SLC14A2: variants seen among roughly 807,000 people sequenced by gnomAD.
The protein encoded by SLC14A2 is solute carrier family 14 member 2, also known as urea transporter 2.
In SLC14A2, 91 loss-of-function variants were observed where a neutral mutation model predicts 104.6. The observed-to-expected ratio is 0.87, with a 90% CI of 0.73 to 1.04. SLC14A2 has a LOEUF of 1.04. Among genes scored for constraint, SLC14A2 ranks in the 50% least tolerant of loss-of-function variants. The pLI, the probability that SLC14A2 is intolerant of heterozygous loss-of-function variation, is 0.00. For synonymous variants in SLC14A2, 476 were observed against 466.4 expected (o/e 1.02, Z -0.27); for missense variants, 1,189 against 1,156.0 (o/e 1.03, Z -0.41).
At chr18:45,198,119 A>C in the SLC14A2 span, among the ~76,000 whole-genome samples, 1 of 152,178 alleles carries the variant, frequency 6.6e-6, no homozygotes, top group Non-Finnish European at 1.5e-5. Context: ...GCCTATAGCT[A>C]CCTGGGTGCT....
chr18:45,473,669 G>T (rs779399684), intron 1 of SLC14A2, among the ~76,000 whole-genome samples: 1 of 152,078 alleles, frequency 6.6e-6, no homozygotes, highest in African/African-American at 2.4e-5. Context: ...TCATGATTTG[G>T]CTCTTTGTTT....
intron 1 of SLC14A2, among the ~76,000 whole-genome samples, chr18:45,266,422 C>A (rs1259212072): frequency 2.0e-5 from 3 of 152,060 alleles, no homozygotes; most frequent in Non-Finnish European, 4.4e-5. Context: ...CTCTTTCAAG[C>A]CATTGGTTTT....
chr18:45,390,632 TAA>T (rs1432009013), intron 1 of SLC14A2, among the ~76,000 whole-genome samples: 1 of 152,194 alleles, frequency 6.6e-6, no homozygotes, highest in Non-Finnish European at 1.5e-5. Flanking sequence ...AGGGTATATA[TAA>T]AGTGTTAGGA....
chr18:45,386,373 A>C (rs765643914), intron 1 of SLC14A2, among the ~76,000 whole-genome samples: 1 of 152,136 alleles, frequency 6.6e-6, no homozygotes, highest in Non-Finnish European at 1.5e-5. Context: ...TGGAACTCTG[A>C]TTTCTGCAGT....
intron 2 of SLC14A2, among the ~76,000 whole-genome samples, chr18:45,494,690 A>ACTGTGCC (rs2043061084): frequency 1.3e-5 from 2 of 152,010 alleles, no homozygotes; most frequent in Non-Finnish European, 2.9e-5. Context: ...GGTGTGAGCC[A>ACTGTGCC]CTGTGCCCGG....
At chr18:45,241,764 T>G (rs904899223) in intron 1 of SLC14A2, among the ~76,000 whole-genome samples, 6 of 151,246 alleles carry the variant, frequency 4.0e-5, no homozygotes, top group African/African-American at 9.7e-5. Flanking sequence ...CTGCCTCAGC[T>G]TCCTGAGTAG....
chr18:45,644,082 A>G lies in SLC14A2; in HGVS notation c.1273A>G (p.Ser425Gly). ...CCCAGCCATCTTCAGACTCCCACTC[A>G]GCAAAGTCACCTACCCCGAGGCCAA... ...NNPAIFRLPL[S>G]KVTYPEANRI... Residue 425 changes from serine to glycine, a missense_variant, in exon 10 of 20, where the codon AGC (serine) becomes GGC (glycine). Coordinates refer to ENST00000255226, the MANE Select transcript of SLC14A2 (RefSeq NM_007163.4). The G allele has an allele frequency of 6.2e-7, 1 of 1,614,208 alleles. No individual in the cohort carries two copies. Among genetic ancestry groups the G allele is most frequent in the Non-Finnish European group, 8.5e-7 (1 of 1,180,036 alleles).
chr18:45,235,947 GTGTGTATATATGTA>G (rs2084229205), intron 1 of SLC14A2, among the ~76,000 whole-genome samples: 1 of 94,148 alleles, frequency 1.1e-5, no homozygotes, highest in African/African-American at 4.6e-5. Flanking sequence ...ATACATATAT[GTGTGTATATATGTA>G]TATATACATA....
At chr18:45,395,742 C>T (rs2086022577) in intron 1 of SLC14A2, among the ~76,000 whole-genome samples, 2 of 152,140 alleles carry the variant, frequency 1.3e-5, no homozygotes, top group South Asian at 2.1e-4. Context: ...GACTGCCACC[C>T]CATTATGTCC....
chr18:45,370,744 C>G (rs1211929571), intron 1 of SLC14A2, among the ~76,000 whole-genome samples: 1 of 152,084 alleles, frequency 6.6e-6, no homozygotes, highest in Non-Finnish European at 1.5e-5. Flanking sequence ...CAGAAGGGAG[C>G]AAAAAGTTCA....
intron 1 of SLC14A2, among the ~76,000 whole-genome samples, chr18:45,323,971 A>G (rs1444646467): frequency 1.3e-5 from 2 of 152,194 alleles, no homozygotes; most frequent in African/African-American, 4.8e-5. Context: ...TGGAGGGTTC[A>G]AGTTTAATGG....
chr18:45,296,832 A>C (rs895205990), intron 1 of SLC14A2, among the ~76,000 whole-genome samples: 3 of 125,176 alleles, frequency 2.4e-5, no homozygotes, highest in Non-Finnish European at 5.1e-5. Context: ...AGCCGTCATA[A>C]AAATGTCAGT....
chr18:45,497,343 C>G (rs891553913), intron 2 of SLC14A2, among the ~76,000 whole-genome samples: 2 of 152,150 alleles, frequency 1.3e-5, no homozygotes, highest in African/African-American at 4.8e-5. Flanking sequence ...TGTGTTAGGC[C>G]AGTGAGGATA....
chr18:45,351,199 G>C (rs1190256698), intron 1 of SLC14A2, among the ~76,000 whole-genome samples: 3 of 152,114 alleles, frequency 2.0e-5, no homozygotes, highest in African/African-American at 7.2e-5. Context: ...GAAGGAAAGG[G>C]ACCTTATATG....
At chr18:45,509,085 T>G (rs1357961897) in intron 2 of SLC14A2, among the ~76,000 whole-genome samples, 1 of 152,142 alleles carries the variant, frequency 6.6e-6, no homozygotes, top group Admixed American at 6.5e-5. Flanking sequence ...CCAGTGGTAT[T>G]GCAAGCCTTT....
chr18:45,388,875 T>TG (rs1413260945), intron 1 of SLC14A2, among the ~76,000 whole-genome samples: 1 of 152,162 alleles, frequency 6.6e-6, no homozygotes, highest in East Asian at 1.9e-4. Context: ...CTTCCAAATG[T>TG]GGATTGGCTT....
At chr18:45,629,829 T>TC (rs959466030) in intron 4 of SLC14A2, among the ~76,000 whole-genome samples, 1 of 152,134 alleles carries the variant, frequency 6.6e-6, no homozygotes, top group Non-Finnish European at 1.5e-5. Flanking sequence ...AAAAACCCAG[T>TC]CCCTCAGCTT....
At chr18:45,616,530 A>T (rs1248487356) in intron 1 of SLC14A2, among the ~76,000 whole-genome samples, 5 of 152,146 alleles carry the variant, frequency 3.3e-5, no homozygotes, top group African/African-American at 1.2e-4. Context: ...CGACCAAGTC[A>T]TGTTTTAAGA....
rs950125382 is a variant in SLC14A2 at position 45,624,648 on chromosome 18, G to C, written c.-17G>C. 7 of 1,605,472 alleles carry C rather than the reference G, an allele frequency of 4.4e-6. No individual in the cohort carries two copies. Among genetic ancestry groups the C allele is most frequent in the Non-Finnish European group, 6.0e-6 (7 of 1,175,514 alleles). On this transcript the variant is annotated 5_prime_UTR_variant, in exon 2 of 20. Coordinates refer to ENST00000255226, the MANE Select transcript of SLC14A2 (RefSeq NM_007163.4). The stretch of plus-strand genomic sequence containing the variant: ...CCGTCTAGTCCATCGATAGAAGAGT[G>C]GCTGTGACCCGAAGGAATGTCTGAC...
Sources: gnomAD v4.1 joint callset for allele counts (sites outside exome capture counted in the v4.1 genomes callset) on GRCh38, gnomAD v4.1.1 for gene constraint, MANE v1.5 for transcripts, NCBI Gene and HGNC (gene_info 2026-07-23, HGNC 2026-07-21) for gene names.